The following PEMT variants were observed in gnomAD, a reference collection of about 807,000 sequenced individuals.
The protein encoded by PEMT is phospholipid methyltransferase.
Under a neutral mutation model 27.4 loss-of-function variants are expected in PEMT, and 23 were observed. The ratio of observed to expected loss-of-function variants is 0.84; its 90% confidence interval spans 0.60 to 1.19. PEMT has a LOEUF of 1.19. Ranked by LOEUF, PEMT falls within the 50% of genes most tolerant of loss-of-function variation. PEMT has a pLI of 0.00. For synonymous variants in PEMT, 137 were observed against 139.1 expected, an observed-to-expected ratio of 0.98 and a Z score of 0.11; for missense variants, 307 against 310.1, an observed-to-expected ratio of 0.99 and a Z score of 0.07.
In PEMT at chr17:17,524,147, C is replaced by T. The variant is rs1004650685; in HGVS notation, c.205-1752G>A. ...TCCAGTATATAAAGATTTTGTCCAC[C>T]GGTTCAGCAGCTGATGGACACTTAG... On this transcript the variant is annotated intron_variant, in intron 2 of 6. Coordinates refer to ENST00000255389, the MANE Select transcript of PEMT (RefSeq NM_148172.3). Among the ~76,000 whole-genome samples, 5 of 152,176 alleles carry T rather than the reference C, an allele frequency of 3.3e-5. No individual in the cohort carries two copies. In the South Asian group the frequency reaches 8.3e-4, roughly 25 times the overall value.
At chr17:17,522,930 G>A (rs1907391238) in intron 2 of PEMT, among the ~76,000 whole-genome samples, 1 of 152,234 alleles carries the variant, frequency 6.6e-6, no homozygotes, top group South Asian at 2.1e-4. Context: ...TCCTCCCTCT[G>A]CCCAAGTGCT....
chr17:17,574,966 C>T (rs1406520337), intron 2 of PEMT, among the ~76,000 whole-genome samples: 1 of 152,222 alleles, frequency 6.6e-6, no homozygotes, highest in South Asian at 2.1e-4. Flanking sequence ...AGGCCCACAA[C>T]GTCTTCCAGC....
chr17:17,574,679 G>A (rs1911462281), intron 2 of PEMT, among the ~76,000 whole-genome samples: 1 of 152,118 alleles, frequency 6.6e-6, no homozygotes, highest in African/African-American at 2.4e-5. Context: ...CCTTCACAAT[G>A]AACTTCACTT....
At chr17:17,542,663 G>A (rs1260679522) in intron 2 of PEMT, among the ~76,000 whole-genome samples, 1 of 152,222 alleles carries the variant, frequency 6.6e-6, no homozygotes, top group African/African-American at 2.4e-5. Context: ...CACAATCCTG[G>A]TGTTTCTAGA....
rs182796925 is a variant in PEMT, at chr17:17,532,821, A to T, written c.205-10426T>A. ...GGCAGGCATATCACCTGAGACCAGGAGTTCAAGACCAGCCTGGCCAACATG... is the reference window on the plus strand; with the variant it reads ...GGCAGGCATATCACCTGAGACCAGGTGTTCAAGACCAGCCTGGCCAACATG... On this transcript the variant is annotated intron_variant, in intron 2 of 6. Transcript: ENST00000255389. 2.0e-3 allele frequency among the ~76,000 whole-genome samples: 310 copies of T among 152,394 alleles called. 1 individual carries two copies. The highest frequency in any genetic ancestry group is 3.7e-3 in the Admixed American group (56 of 15,310).
rs903278855 is a variant in PEMT at position 17,558,709 on chromosome 17, A to G, written c.204+18211T>C. On this transcript the variant is annotated intron_variant, in intron 2 of 6. Transcript: ENST00000255389. Reference sequence around the variant, plus strand: ...AAAAAAAAAAAAAAAACAAAAAGAAAGGGCAGCAGAGTGGACCGGAGCCTG... The same window carrying G: ...AAAAAAAAAAAAAAAACAAAAAGAAGGGGCAGCAGAGTGGACCGGAGCCTG... Among the ~76,000 whole-genome samples the G allele has an allele frequency of 3.4e-5, 5 of 148,168 alleles. No homozygotes were observed. In the Admixed American group the frequency reaches 3.4e-4, roughly 10 times the overall value.
At chr17:17,588,353 C>G (rs1165482871) in intron 1 of PEMT, among the ~76,000 whole-genome samples, 2 of 152,140 alleles carry the variant, frequency 1.3e-5, no homozygotes, top group Non-Finnish European at 2.9e-5. Flanking sequence ...CAAGATACCC[C>G]GCATCGGCCA....
chr17:17,547,288 T>C (rs1391965193), intron 2 of PEMT, among the ~76,000 whole-genome samples: 1 of 152,222 alleles, frequency 6.6e-6, no homozygotes, highest in Non-Finnish European at 1.5e-5. Context: ...AGATCTGTTC[T>C]TCAGGTAGCT....
At chr17:17,520,450 G>A (rs772307546) in intron 3 of PEMT, among the ~76,000 whole-genome samples, 13 of 152,228 alleles carry the variant, frequency 8.5e-5, no homozygotes, top group African/African-American at 1.2e-4. Context: ...TTCATGAGCT[G>A]TAAAACCTCG....
chr17:17,509,561 G>T lies in PEMT; in HGVS notation c.467-16C>A. The T allele has an allele frequency of 6.4e-7, 1 of 1,559,886 alleles. No individual in the cohort carries two copies. Among genetic ancestry groups the T allele is most frequent in the Non-Finnish European group, 8.8e-7 (1 of 1,130,636 alleles). On this transcript the variant is annotated splice_polypyrimidine_tract_variant and intron_variant, in intron 4 of 6. Coordinates refer to ENST00000255389, the MANE Select transcript of PEMT (RefSeq NM_148172.3). ...AAGTAATCACCTGTGGATGAGGCAAGGCAGGGTCCCTCGGCTATTCATCAG... is the reference window on the plus strand; with the variant it reads ...AAGTAATCACCTGTGGATGAGGCAATGCAGGGTCCCTCGGCTATTCATCAG...
chr17:17,576,821 T>C, intron 2 of PEMT, 99 bp downstream of exon 2: 1 of 917,016 alleles, frequency 1.1e-6, no homozygotes, highest in Non-Finnish European at 1.8e-6. Context: ...GCTGTCTGTC[T>C]GTCTGGCCAG....
chr17:17,570,550 G>GAA, intron 2 of PEMT: 1 of 985,334 alleles, frequency 1.0e-6, no homozygotes, highest in South Asian at 4.7e-5. Context: ...ATGAGGGAGG[G>GAA]GACACCTGAC....
At chr17:17,576,283 C>T (rs542894641) in intron 2 of PEMT, among the ~76,000 whole-genome samples, 33 of 152,326 alleles carry the variant, frequency 2.2e-4, no homozygotes, top group African/African-American at 7.7e-4. Flanking sequence ...GGCCCAGAGC[C>T]CACTTCCCAT....
chr17:17,539,723 T>C (rs909924070), intron 2 of PEMT, among the ~76,000 whole-genome samples: 3 of 152,192 alleles, frequency 2.0e-5, no homozygotes, highest in African/African-American at 4.8e-5. Context: ...AGGGGAACCA[T>C]TGCCCTCATT....
At position 17,512,383 on chromosome 17, in the gene PEMT, C is replaced by G. The variant is rs960507391; in HGVS notation, c.466+126G>C. ...CCAGGCCTGGAGGAGCAAAGACGCC[C>G]CGATGGAGGGGGCCCCTAGCACTCC... On this transcript the variant is annotated intron_variant, in intron 4 of 6. Transcript: ENST00000255389. This position sits in a 1 kb window ranked among gnomAD's most constrained non-coding sequence, Gnocchi z 6.3. 3.1e-5 allele frequency: 27 copies of G among 871,340 alleles called. No individual in the cohort carries two copies. The East Asian group carries it at 4.2e-4, about 14-fold the overall frequency. 54.0% of individuals were successfully genotyped at this position (871,340 alleles called of 1,614,324 possible).
intron 2 of PEMT, among the ~76,000 whole-genome samples, chr17:17,555,131 C>T (rs1354242765): frequency 1.3e-5 from 2 of 152,032 alleles, no homozygotes; most frequent in African/African-American, 4.8e-5. Context: ...CCCACTATGC[C>T]CATTTAACAG....
intron 2 of PEMT, among the ~76,000 whole-genome samples, chr17:17,525,302 G>A (rs954343286): frequency 6.6e-6 from 1 of 152,158 alleles, no homozygotes; most frequent in Admixed American, 6.5e-5. Flanking sequence ...AACCCATGTG[G>A]GAAAGAAAAA....
chr17:17,531,336 G>GA (rs1908076503), intron 2 of PEMT, among the ~76,000 whole-genome samples: 1 of 149,590 alleles, frequency 6.7e-6, no homozygotes, highest in Non-Finnish European at 1.5e-5. Context: ...TTCTGAAATG[G>GA]TTTTTTTTTT....
chr17:17,559,423 G>A (rs1057244968), intron 2 of PEMT, among the ~76,000 whole-genome samples: 5 of 152,236 alleles, frequency 3.3e-5, no homozygotes, highest in South Asian at 4.1e-4. Context: ...TGTTTAAAGC[G>A]GGTGCCTGCC....
Sources: gnomAD v4.1 joint callset for allele counts (sites outside exome capture counted in the v4.1 genomes callset) on GRCh38, gnomAD v4.1.1 for gene constraint, Gnocchi (gnomAD v3.1) non-coding constraint, MANE v1.5 for transcripts, NCBI Gene and HGNC (gene_info 2026-07-23, HGNC 2026-07-21) for gene names.